Variants in PTPRG observed in about 807,000 individuals in gnomAD.
PTPRG encodes receptor-type tyrosine-protein phosphatase gamma.
In PTPRG, 102 loss-of-function variants were observed where a neutral mutation model predicts 165.3. The observed-to-expected ratio is 0.62, with a 90% CI of 0.53 to 0.73. PTPRG has a LOEUF of 0.73. Among genes scored for constraint, PTPRG ranks in the 30% least tolerant of loss-of-function variants. PTPRG has a pLI of 0.00. For synonymous variants in PTPRG, 675 were observed against 669.5 expected (o/e 1.01, Z -0.13); for missense variants, 1,866 against 1,861.4 (o/e 1.00, Z -0.05).
intron 1 of PTPRG, among the ~76,000 whole-genome samples, chr3:61,680,501 G>GAAAAAAAAA (rs34153657): frequency 1.2e-5 from 1 of 85,226 alleles, no homozygotes; most frequent in African/African-American, 3.7e-5. Context: ...TCAGCTTTAT[G>GAAAAAAAAA]AAAAAAAAAA....
intron 1 of PTPRG, among the ~76,000 whole-genome samples, chr3:61,563,147 TTTCGGCGGCCGGGGCG>T (rs1559504287): frequency 6.2e-5 from 1 of 16,152 alleles, no homozygotes; most frequent in Non-Finnish European, 1.8e-4. Flanking sequence ...GCGGGGGCGG[TTTCGGCGGCCGGGGCG>T]GTTTCGGCGG....
chr3:61,708,069 G>A (rs574863557), intron 1 of PTPRG, among the ~76,000 whole-genome samples: 28 of 152,196 alleles, frequency 1.8e-4, no homozygotes, highest in African/African-American at 5.8e-4. Flanking sequence ...GATTACAGGC[G>A]TGAGCCACCA....
intron 4 of PTPRG, among the ~76,000 whole-genome samples, chr3:62,054,706 G>T (rs1161406507): frequency 6.6e-6 from 1 of 152,148 alleles, no homozygotes; most frequent in Non-Finnish European, 1.5e-5. Flanking sequence ...GGAAATCTTT[G>T]TTTTTGTACC....
intron 8 of PTPRG, among the ~76,000 whole-genome samples, chr3:62,176,375 G>A (rs1705423908): frequency 6.6e-6 from 1 of 152,134 alleles, no homozygotes; most frequent in Non-Finnish European, 1.5e-5. Flanking sequence ...GCCAGGAAGT[G>A]GTAGAGCTCA....
At chr3:62,076,961 C>T (rs1423132393) in intron 4 of PTPRG, among the ~76,000 whole-genome samples, 2 of 152,166 alleles carry the variant, frequency 1.3e-5, no homozygotes, top group Non-Finnish European at 2.9e-5. Context: ...TACCTGTGTT[C>T]TGCTTTTTGA....
chr3:62,106,659 C>T (rs1464175427), intron 5 of PTPRG, among the ~76,000 whole-genome samples: 3 of 152,220 alleles, frequency 2.0e-5, no homozygotes, highest in East Asian at 1.9e-4. Context: ...TGTGCCACCA[C>T]GCCTTGCTAA....
At chr3:61,962,062 G>C (rs997022333) in intron 2 of PTPRG, among the ~76,000 whole-genome samples, 3 of 152,086 alleles carry the variant, frequency 2.0e-5, no homozygotes, top group Non-Finnish European at 4.4e-5. Context: ...AGGATTTTAG[G>C]GTTGGGTTTT....
At chr3:61,981,043 A>C (rs181880018) in intron 2 of PTPRG, among the ~76,000 whole-genome samples, 1 of 152,230 alleles carries the variant, frequency 6.6e-6, no homozygotes, top group Admixed American at 6.5e-5. Context: ...AAAGAGGTTC[A>C]ATTGACTCAT....
intron 26 of PTPRG, among the ~76,000 whole-genome samples, chr3:62,278,683 A>T (rs1290828418): frequency 2.6e-5 from 4 of 152,050 alleles, no homozygotes; most frequent in Non-Finnish European, 5.9e-5. Context: ...GAACTTCTTC[A>T]CTTTGTCGCA....
Position 61,749,158 on chromosome 3 carries a change from A to G in PTPRG, c.190+176A>G. On this transcript the variant is annotated intron_variant, in intron 2 of 29. Transcript: ENST00000474889. ...TTTCCTCAAGGTTATAAGCACCTTAATTTATCTCTACCACCTGTTTCCTCA... is the reference window on the plus strand; with the variant it reads ...TTTCCTCAAGGTTATAAGCACCTTAGTTTATCTCTACCACCTGTTTCCTCA... The G allele has an allele frequency of 3.2e-5, 22 of 698,088 alleles. 2 individuals carry two copies. The highest frequency in any genetic ancestry group is 3.0e-4 in the South Asian group (20 of 66,756). 43.2% of individuals were successfully genotyped at this position (698,088 alleles called of 1,614,324 possible).
Position 62,001,464 on chromosome 3 carries a change from A to G in PTPRG, c.371-1885A>G, listed in dbSNP as rs906160829. ...GTCCTGTGGATGCAAAATGTTATGT[A>G]TGGAACTTATAACTGGCTGAGAAGA... On this transcript the variant is annotated intron_variant, in intron 3 of 29. Transcript: ENST00000474889. 2.0e-4 allele frequency among the ~76,000 whole-genome samples: 31 copies of G among 152,154 alleles called. 1 individual carries two copies. The highest frequency in any genetic ancestry group is 1.8e-3 in the Admixed American group (28 of 15,268).
At chr3:62,279,936 C>T (rs1254266480) in intron 26 of PTPRG, among the ~76,000 whole-genome samples, 4 of 152,028 alleles carry the variant, frequency 2.6e-5, no homozygotes, top group Admixed American at 6.6e-5. Context: ...GCCATTGGAG[C>T]TGATTGATTA....
intron 2 of PTPRG, among the ~76,000 whole-genome samples, chr3:61,923,735 TG>T (rs2039139820): frequency 1.3e-5 from 2 of 149,004 alleles, no homozygotes; most frequent in African/African-American, 5.0e-5. Context: ...CTCACCATGT[TG>T]CACAGGCTGG....
chr3:61,969,817 G>A (rs989588074), intron 2 of PTPRG, among the ~76,000 whole-genome samples: 4 of 152,146 alleles, frequency 2.6e-5, no homozygotes, highest in African/African-American at 4.8e-5. Context: ...GAGGGATACA[G>A]CGATAATGAT....
intron 5 of PTPRG, among the ~76,000 whole-genome samples, chr3:62,119,375 C>A (rs917715476): frequency 6.6e-6 from 1 of 152,208 alleles, no homozygotes; most frequent in African/African-American, 2.4e-5. Context: ...TTGAGCTTAG[C>A]TCTGATGACT....
intron 2 of PTPRG, chr3:61,769,803 A>G (rs959734459): frequency 2.6e-5 from 4 of 152,142 alleles, no homozygotes; most frequent in Non-Finnish European, 5.9e-5. Context: ...GTGATTCTTG[A>G]ACTGTCCTTT....
intron 12 of PTPRG, among the ~76,000 whole-genome samples, chr3:62,212,455 G>C (rs1700381848): frequency 6.6e-6 from 1 of 152,182 alleles, no homozygotes; most frequent in African/African-American, 2.4e-5. Context: ...CTCTTCTCTT[G>C]AGCCAGGTTA....
chr3:62,216,990 C>T (rs1440162338), intron 12 of PTPRG, among the ~76,000 whole-genome samples: 2 of 152,176 alleles, frequency 1.3e-5, no homozygotes, highest in East Asian at 3.9e-4. Flanking sequence ...CCCTGTGCTT[C>T]CCCTGGTGCC....
intron 1 of PTPRG, among the ~76,000 whole-genome samples, chr3:61,616,684 G>C (rs1321450730): frequency 6.6e-6 from 1 of 152,192 alleles, no homozygotes; most frequent in Non-Finnish European, 1.5e-5. Context: ...TCTTCCTCCT[G>C]GTGGAGGGCA....
Sources: allele counts gnomAD v4.1 joint callset (sites outside exome capture counted in the v4.1 genomes callset), GRCh38; gene constraint gnomAD v4.1.1; transcripts MANE v1.5; gene names NCBI Gene and HGNC (gene_info 2026-07-23, HGNC 2026-07-21).